The following TRIM55 variants were observed in gnomAD, a reference collection of about 807,000 sequenced individuals.
TRIM55 encodes tripartite motif-containing protein 55.
A neutral mutation model predicts 60.9 loss-of-function variants in TRIM55; 50 were observed. That is an observed-to-expected ratio of 0.82 (90% CI 0.65 to 1.04). TRIM55 has a LOEUF of 1.04. Among genes scored for constraint, TRIM55 ranks in the 50% least tolerant of loss-of-function variants. The pLI is 0.00. For synonymous variants in TRIM55, 237 were observed against 238.1 expected (o/e 1.00, Z 0.04); for missense variants, 681 against 666.9 (o/e 1.02, Z -0.23).
At chr8:66,128,853 AT>A (rs1412261903) in intron 2 of TRIM55, among the ~76,000 whole-genome samples, 1 of 152,018 alleles carries the variant, frequency 6.6e-6, no homozygotes, top group Non-Finnish European at 1.5e-5. Flanking sequence ...AGAAAAAAAA[AT>A]CTAGTAAATA....
intron 3 of TRIM55, among the ~76,000 whole-genome samples, chr8:66,135,786 C>T (rs1019475440): frequency 2.0e-5 from 3 of 152,132 alleles, no homozygotes; most frequent in Non-Finnish European, 4.4e-5. Context: ...TAATTCTGAG[C>T]AGACAGAAAG....
At chr8:66,114,123 C>G in the TRIM55 span, among the ~76,000 whole-genome samples, 3,564 of 128,328 alleles carry the variant, frequency 0.028, 63 homozygotes, top group Non-Finnish European at 0.043. Flanking sequence ...CCAAAAAAGT[C>G]TGTCTTCAGC....
chr8:66,130,481 C>A (rs762775633), intron 2 of TRIM55, among the ~76,000 whole-genome samples: 2 of 149,446 alleles, frequency 1.3e-5, no homozygotes, highest in African/African-American at 4.9e-5. Context: ...AATCTTGAGC[C>A]TCAGGGTACA....
At chr8:66,138,439 G>A (rs534812513) in intron 4 of TRIM55, among the ~76,000 whole-genome samples, 20 of 152,246 alleles carry the variant, frequency 1.3e-4, no homozygotes, top group Admixed American at 5.2e-4. Flanking sequence ...ACCCAGGCTG[G>A]AGTGCAATGG....
At chr8:66,155,568 T>A in intron 9 of TRIM55, 1 of 1,339,274 alleles carries the variant, frequency 7.5e-7, no homozygotes, top group Non-Finnish European at 1.1e-6. Context: ...GAAATAATGT[T>A]GAAAATAATT....
At chr8:66,148,852 C>T (rs1027553000) in intron 4 of TRIM55, among the ~76,000 whole-genome samples, 5 of 152,260 alleles carry the variant, frequency 3.3e-5, no homozygotes, top group South Asian at 2.1e-4. Flanking sequence ...AGTTCAAGAC[C>T]GGCCTGGCCA....
chr8:66,145,092 G>A (rs1296078460), intron 4 of TRIM55, among the ~76,000 whole-genome samples: 1 of 152,074 alleles, frequency 6.6e-6, no homozygotes, highest in East Asian at 1.9e-4. Flanking sequence ...GATAACCTGA[G>A]GTGTTTATTG....
chr8:66,142,768 C>T (rs1271730743), intron 4 of TRIM55, among the ~76,000 whole-genome samples: 1 of 152,180 alleles, frequency 6.6e-6, no homozygotes, highest in Non-Finnish European at 1.5e-5. Flanking sequence ...CACAAAGGGG[C>T]CAGCTGGTGG....
intron 9 of TRIM55, among the ~76,000 whole-genome samples, chr8:66,172,316 T>C (rs1219037675): frequency 6.6e-6 from 1 of 152,204 alleles, no homozygotes; most frequent in African/African-American, 2.4e-5. Flanking sequence ...CACAGAACTT[T>C]CTTTGCTGAG....
intron 9 of TRIM55, 28 bp downstream of exon 9, chr8:66,154,362 C>T (rs1310120793): frequency 6.2e-7 from 1 of 1,605,594 alleles, no homozygotes; most frequent in Admixed American, 1.7e-5. Context: ...TGTGTCTATG[C>T]TTTCCCGCGC....
intron 9 of TRIM55, among the ~76,000 whole-genome samples, chr8:66,159,858 A>G (rs1486484030): frequency 1.3e-5 from 2 of 152,212 alleles, no homozygotes; most frequent in Non-Finnish European, 2.9e-5. Context: ...AAGTAAATGT[A>G]CACATCTTTT....
At chr8:66,117,995 T>C in the TRIM55 span, among the ~76,000 whole-genome samples, 1 of 150,562 alleles carries the variant, frequency 6.6e-6, no homozygotes, top group Non-Finnish European at 1.5e-5. Context: ...TGAAACCCCA[T>C]CTCTACTAAA....
In TRIM55 at chr8:66,154,031, A is replaced by C. The variant is rs764834980; in HGVS notation, c.1237-16A>C. 1.3e-6 allele frequency: 2 copies of C among 1,577,816 alleles called. No individual in the cohort carries two copies. Among genetic ancestry groups the C allele is most frequent in the Non-Finnish European group, 1.7e-6 (2 of 1,164,982 alleles). On this transcript the variant is annotated splice_polypyrimidine_tract_variant and intron_variant, in intron 8 of 9. Coordinates refer to ENST00000315962, the MANE Select transcript of TRIM55 (RefSeq NM_184085.2). Reference sequence around the variant, plus strand: ...TTTTTTTTTCTTTACTTTTGAATTTATCTGTCCTGATTAAGGGGGAGGTTG... The same window carrying C: ...TTTTTTTTTCTTTACTTTTGAATTTCTCTGTCCTGATTAAGGGGGAGGTTG...
intron 9 of TRIM55, among the ~76,000 whole-genome samples, chr8:66,168,960 G>T (rs1811469784): frequency 6.6e-6 from 1 of 152,198 alleles, no homozygotes; most frequent in African/African-American, 2.4e-5. Flanking sequence ...GAGCCTTAAG[G>T]AATGGAACAC....
At chr8:66,116,869 A>G in the TRIM55 span, among the ~76,000 whole-genome samples, 5 of 152,226 alleles carry the variant, frequency 3.3e-5, no homozygotes, top group Non-Finnish European at 7.3e-5. Context: ...AAAATTACAG[A>G]CCAATATAGC....
chr8:66,150,672 C>G (rs551004717), intron 7 of TRIM55, among the ~76,000 whole-genome samples: 47 of 147,470 alleles, frequency 3.2e-4, no homozygotes, highest in East Asian at 5.9e-4. Context: ...ACATATGGTG[C>G]CTTTTTTTTT....
intron 9 of TRIM55, among the ~76,000 whole-genome samples, chr8:66,174,107 T>C (rs1022109476): frequency 6.6e-6 from 1 of 151,774 alleles, no homozygotes; most frequent in Non-Finnish European, 1.5e-5. Context: ...CAACCCTTTC[T>C]AAACCCAGTT....
In TRIM55 at chr8:66,154,188, A is replaced by G. The variant is rs1467563607; in HGVS notation, c.1378A>G (p.Thr460Ala). The G allele has an allele frequency of 6.2e-7, 1 of 1,613,924 alleles. No homozygotes were observed. The highest frequency in any genetic ancestry group is 1.1e-5 in the South Asian group (1 of 91,070). The stretch of plus-strand genomic sequence containing the variant: ...GAAAGCCACCACCAACCCACCTTGC[A>G]CCCCAGGGAGCGAAGGTCTGGGGCA... ...TRKATTNPPCTPGSEGLGQIG... is the reference protein window; with the variant it reads ...TRKATTNPPCAPGSEGLGQIG... The change falls in exon 9 of 10, where the codon ACC becomes GCC. Residue 460 changes from threonine (T) to alanine (A), a missense_variant. Coordinates refer to ENST00000315962, the MANE Select transcript of TRIM55 (RefSeq NM_184085.2).
At chr8:66,149,084 T>A (rs1810261271) in intron 4 of TRIM55, among the ~76,000 whole-genome samples, 1 of 152,052 alleles carries the variant, frequency 6.6e-6, no homozygotes, top group Non-Finnish European at 1.5e-5. Context: ...AAAAACATGA[T>A]TAGAACTGTA....
Sources: allele counts gnomAD v4.1 joint callset (sites outside exome capture counted in the v4.1 genomes callset), GRCh38; gene constraint gnomAD v4.1.1; transcripts MANE v1.5; gene names NCBI Gene and HGNC (gene_info 2026-07-23, HGNC 2026-07-21).